The following BCAS3 variants were observed in gnomAD, a reference collection of about 807,000 sequenced individuals.
BCAS3 encodes the protein BCAS3 microtubule associated cell migration factor, also known as BCAS4/BCAS3 fusion.
A neutral mutation model predicts 116.1 loss-of-function variants in BCAS3; 53 were observed. The ratio of observed to expected loss-of-function variants is 0.46; its 90% confidence interval spans 0.37 to 0.57. The LOEUF (loss-of-function observed/expected upper bound fraction) is 0.57, where lower values mean the gene tolerates loss of function less well. BCAS3 is among the 20% of genes least tolerant of loss of function. The pLI is 0.00. For synonymous variants in BCAS3, 391 were observed against 408.2 expected (o/e 0.96, Z 0.51); for missense variants, 917 against 1,165.4 (o/e 0.79, Z 3.10).
chr17:60,816,208 C>G (rs1384284191), intron 7 of BCAS3, among the ~76,000 whole-genome samples: 1 of 151,630 alleles, frequency 6.6e-6, no homozygotes, highest in Non-Finnish European at 1.5e-5. Context: ...CTAATACTGC[C>G]TATTAAATTA....
chr17:60,814,993 A>C (rs888058884), intron 7 of BCAS3, among the ~76,000 whole-genome samples: 1 of 152,192 alleles, frequency 6.6e-6, no homozygotes, highest in African/African-American at 2.4e-5. Flanking sequence ...ATAAAGACAC[A>C]TGCACGTTTA....
rs2068634637 is a variant in BCAS3 at position 61,049,424 on chromosome 17, A to G, written c.2029+8532A>G. Reference sequence around the variant, plus strand: ...AGAAAGAAAATAACTTAAAAAGAGTATCACTGAACTGTGGGAAAATATACA... The same window carrying G: ...AGAAAGAAAATAACTTAAAAAGAGTGTCACTGAACTGTGGGAAAATATACA... On this transcript the variant is annotated intron_variant, in intron 19 of 23. Coordinates refer to ENST00000407086, the MANE Select transcript of BCAS3 (RefSeq NM_017679.5). Among the ~76,000 whole-genome samples, 2 of 152,026 alleles carry G rather than the reference A, an allele frequency of 1.3e-5. 1 individual carries two copies. The highest frequency in any genetic ancestry group is 2.9e-5 in the Non-Finnish European group (2 of 67,970).
At chr17:60,816,279 C>CCTT (rs2049387044) in intron 7 of BCAS3, among the ~76,000 whole-genome samples, 1 of 140,108 alleles carries the variant, frequency 7.1e-6, no homozygotes, top group African/African-American at 2.7e-5. Flanking sequence ...TTTTTCTTTT[C>CCTT]TTTTTTTTTT....
chr17:61,069,850 A>G, intron 19 of BCAS3: 1 of 871,506 alleles, frequency 1.1e-6, no homozygotes, highest in South Asian at 1.4e-5. Flanking sequence ...AAAAAAAAAA[A>G]AAAAAGACCC....
At chr17:61,210,430 G>GAT (rs1321732846) in intron 22 of BCAS3, among the ~76,000 whole-genome samples, 1 of 152,172 alleles carries the variant, frequency 6.6e-6, no homozygotes, top group Non-Finnish European at 1.5e-5. Context: ...TTTATGAGAT[G>GAT]ATATCCAGAA....
intron 22 of BCAS3, among the ~76,000 whole-genome samples, chr17:61,182,848 CTTTG>C (rs1251318114): frequency 6.6e-6 from 1 of 152,202 alleles, no homozygotes; most frequent in African/African-American, 2.4e-5. Flanking sequence ...TATGTCAGCA[CTTTG>C]TTCTTGTGGC....
At chr17:60,704,333 T>C (rs1364491593) in intron 4 of BCAS3, among the ~76,000 whole-genome samples, 2 of 152,210 alleles carry the variant, frequency 1.3e-5, no homozygotes, top group Admixed American at 1.3e-4. Context: ...TCTATTGTTT[T>C]GTGCAAATAC....
chr17:61,331,946 T>A (rs2056328719), intron 22 of BCAS3, among the ~76,000 whole-genome samples: 1 of 152,190 alleles, frequency 6.6e-6, no homozygotes, highest in African/African-American at 2.4e-5. Flanking sequence ...TGGTATGCTT[T>A]TTTGGGGTTT....
rs1422367766 is a variant in BCAS3, at chr17:61,364,441, C to T, written c.2426-3886C>T. On this transcript the variant is annotated intron_variant, in intron 22 of 23. Transcript: ENST00000407086. This position sits in a 1 kb window ranked among gnomAD's most constrained non-coding sequence, Gnocchi z 5.4. ...ACACATATTGTGGTTCTTGGCCAGG[C>T]GCAGTGGCTCATGCCTGTAATTCCA... Among the ~76,000 whole-genome samples, 2 of 152,154 alleles carry T rather than the reference C, an allele frequency of 1.3e-5. No homozygotes were observed. The highest frequency in any genetic ancestry group is 2.9e-5 in the Non-Finnish European group (2 of 68,022).
At chr17:60,949,152 G>A (rs1184584644) in intron 14 of BCAS3, among the ~76,000 whole-genome samples, 1 of 152,182 alleles carries the variant, frequency 6.6e-6, no homozygotes, top group Admixed American at 6.5e-5. Flanking sequence ...TGGGATTATA[G>A]ACGTGAGCCA....
chr17:60,868,370 AT>A (rs1046533927), intron 7 of BCAS3, among the ~76,000 whole-genome samples: 1 of 151,838 alleles, frequency 6.6e-6, no homozygotes, highest in African/African-American at 2.4e-5. Context: ...GGTGAGTGAT[AT>A]TTTTTTCTTT....
chr17:61,056,667 G>A lies in BCAS3; in HGVS notation c.2029+15775G>A, dbSNP rs1423274958. 6.6e-6 allele frequency among the ~76,000 whole-genome samples: 1 copy of A among 152,090 alleles called. No homozygotes were observed. The highest frequency in any genetic ancestry group is 1.5e-5 in the Non-Finnish European group (1 of 68,012). On this transcript the variant is annotated intron_variant, in intron 19 of 23. Transcript: ENST00000407086. This position sits in a 1 kb window ranked among gnomAD's most constrained non-coding sequence, Gnocchi z 4.9. ...AAATACATGAGCTACACAGAGATTT[G>A]AAGAAACTCAGTTTATTACACTGAA...
rs1207417752 is a variant in BCAS3, at chr17:61,258,603, A to G, written c.2426-109724A>G. Among the ~76,000 whole-genome samples, 2 of 152,256 alleles carry G rather than the reference A, an allele frequency of 1.3e-5. No individual in the cohort carries two copies. Among genetic ancestry groups the G allele is most frequent in the Non-Finnish European group, 2.9e-5 (2 of 68,048 alleles). ...AAAACAGGCGCTTAATAAATGTTAGACTGTTCCCCTTGATCATAATACAAC... is the reference window on the plus strand; with the variant it reads ...AAAACAGGCGCTTAATAAATGTTAGGCTGTTCCCCTTGATCATAATACAAC... On this transcript the variant is annotated intron_variant, in intron 22 of 23. Coordinates refer to ENST00000407086, the MANE Select transcript of BCAS3 (RefSeq NM_017679.5). This position sits in a 1 kb window ranked among gnomAD's most constrained non-coding sequence, Gnocchi z 4.7.
chr17:61,022,399 A>G (rs1038118423), intron 16 of BCAS3, among the ~76,000 whole-genome samples: 1 of 151,806 alleles, frequency 6.6e-6, no homozygotes, highest in Non-Finnish European at 1.5e-5. Flanking sequence ...GCCCGCCACC[A>G]CGCTTGGCTA....
intron 11 of BCAS3, among the ~76,000 whole-genome samples, chr17:60,909,873 G>T (rs1427220779): frequency 6.6e-6 from 1 of 152,052 alleles, no homozygotes; most frequent in African/African-American, 2.4e-5. Context: ...AAATAATATA[G>T]TAGGAGCACC....
At chr17:60,720,188 G>C (rs1243884042) in intron 5 of BCAS3, 1 of 152,090 alleles carries the variant, frequency 6.6e-6, no homozygotes, top group Non-Finnish European at 1.5e-5. Flanking sequence ...ACCCAGGCTG[G>C]AGTGCAGTGG....
In BCAS3 at chr17:61,333,278, G is replaced by A. The variant is rs979224834; in HGVS notation, c.2426-35049G>A. Among the ~76,000 whole-genome samples, 18 of 152,144 alleles carry A rather than the reference G, an allele frequency of 1.2e-4. No homozygotes were observed. Among genetic ancestry groups the A allele is most frequent in the Non-Finnish European group, 1.8e-4 (12 of 68,026 alleles). ...GCCAGCCACTTCTGCGGTGGTTGTC[G>A]GTCTTGGAAAAGCTCCATCTTCAGA... On this transcript the variant is annotated intron_variant, in intron 22 of 23. Coordinates refer to ENST00000407086, the MANE Select transcript of BCAS3 (RefSeq NM_017679.5). The surrounding 1 kb of genome is among the most constrained non-coding windows in gnomAD (Gnocchi z 4.8).
intron 5 of BCAS3, among the ~76,000 whole-genome samples, chr17:60,732,611 C>A (rs952961270): frequency 2.0e-5 from 3 of 152,038 alleles, no homozygotes; most frequent in African/African-American, 7.2e-5. Context: ...GAGGCTGAGG[C>A]GGGCAGATCA....
At chr17:60,760,696 T>C (rs2043444390) in intron 6 of BCAS3, among the ~76,000 whole-genome samples, 1 of 152,096 alleles carries the variant, frequency 6.6e-6, no homozygotes, top group African/African-American at 2.4e-5. Flanking sequence ...GGAAGACCTT[T>C]TTGCATTATA....
Sources: allele counts gnomAD v4.1 joint callset (sites outside exome capture counted in the v4.1 genomes callset), GRCh38; gene constraint gnomAD v4.1.1; non-coding constraint Gnocchi (gnomAD v3.1); transcripts MANE v1.5; gene names NCBI Gene and HGNC (gene_info 2026-07-23, HGNC 2026-07-21).